The following FBXO38 variants were observed in gnomAD, a reference collection of about 807,000 sequenced individuals.
The protein encoded by FBXO38 is F-box protein 38.
FBXO38 carries 53 observed loss-of-function variants against 131.9 expected under a neutral mutation model. The observed-to-expected ratio is 0.40, with a 90% CI of 0.32 to 0.51. The LOEUF is 0.51. Among genes scored for constraint, FBXO38 ranks in the 20% least tolerant of loss-of-function variants. The pLI is 0.53. For missense variants in FBXO38, 1,076 were observed against 1,475.6 expected (o/e 0.73, Z 4.44); for synonymous variants, 452 against 505.6 (o/e 0.89, Z 1.42).
Position 148,427,391 on chromosome 5 carries a change from T to C in FBXO38, c.2097T>C (p.Asp699=), listed in dbSNP as rs1460720928. ...RDIPEKKKNK[D]VYPSCSSTTA... ...TTCCTGAAAAGAAAAAAAACAAGGA[T>C]GTTTATCCCAGCTGCAGCAGCACCA... The change falls in exon 15 of 22, where the codon GAT becomes GAC. Residue 699 remains aspartate (D), a synonymous_variant. Coordinates refer to ENST00000340253, the MANE Select transcript of FBXO38 (RefSeq NM_205836.3). 1.2e-6 allele frequency: 2 copies of C among 1,613,942 alleles called. No homozygotes were observed. The highest frequency in any genetic ancestry group is 1.7e-6 in the Non-Finnish European group (2 of 1,180,010).
chr5:148,399,160 G>A (rs1191066645), intron 3 of FBXO38, 28 bp downstream of exon 3: 4 of 1,610,096 alleles, frequency 2.5e-6, no homozygotes, highest in Admixed American at 3.4e-5. Flanking sequence ...GTGAAGTACA[G>A]TAGTGTCCTA....
rs147580008 is a variant in FBXO38 at position 148,441,203 on chromosome 5, C to G, written c.3354C>G (p.Ser1118Arg). 1.9e-5 allele frequency: 30 copies of G among 1,613,540 alleles called. No homozygotes were observed. The highest frequency in any genetic ancestry group is 2.5e-5 in the Non-Finnish European group (29 of 1,179,836). The change falls in exon 21 of 22, where the codon AGC becomes AGG. Residue 1118 changes from serine to arginine, a missense_variant. Ser to Arg is a moderately radical substitution (Grantham distance 110). Around this residue, in one of 8 missense-constraint regions of FBXO38, gnomAD observed 282 missense variants for 418.8 expected, o/e 0.67. Coordinates refer to ENST00000340253, the MANE Select transcript of FBXO38 (RefSeq NM_205836.3). ...CATTACGAGCTGCAGAGCCCAACAG[C>G]TTCGCTCGATACGACTTTGAAGACG... is the stretch of plus-strand genomic sequence containing the variant. ...LRSLRAAEPN[S>R]FARYDFEDDE...
chr5:148,387,892 A>G lies in FBXO38; in HGVS notation c.-64+3853A>G, dbSNP rs1014390709. Among the ~76,000 whole-genome samples the G allele has an allele frequency of 7.2e-5, 11 of 151,934 alleles. No homozygotes were observed. The South Asian group carries it at 1.9e-3, about 26-fold the overall frequency. ...TTTTCAGTAGAGATGGGGTTTCACT[A>G]TGTTGGCCAGACTGGTCTCGAGCTC... On this transcript the variant is annotated intron_variant, in intron 1 of 21. Coordinates refer to ENST00000340253, the MANE Select transcript of FBXO38 (RefSeq NM_205836.3).
At chr5:148,428,004 A>G (rs374720043) in intron 15 of FBXO38, 57 bp downstream of exon 15, 3 of 1,416,352 alleles carry the variant, frequency 2.1e-6, no homozygotes, top group Non-Finnish European at 1.9e-6. Flanking sequence ...AAAGGCATGA[A>G]CTTGTTTCAT....
intron 4 of FBXO38, 67 bp downstream of exon 4, chr5:148,402,212 A>C: frequency 4.5e-6 from 7 of 1,563,172 alleles, no homozygotes; most frequent in Non-Finnish European, 6.1e-6. Context: ...AGAATGATAG[A>C]CGTGTTCACT....
chr5:148,388,078 G>T (rs1285064526), intron 1 of FBXO38, among the ~76,000 whole-genome samples: 2 of 152,166 alleles, frequency 1.3e-5, no homozygotes, highest in African/African-American at 4.8e-5. Context: ...TATTGTGTTA[G>T]CAGGCATGGA....
intron 19 of FBXO38, 89 bp downstream of exon 19, chr5:148,439,881 A>C: frequency 7.6e-7 from 1 of 1,314,740 alleles, no homozygotes; most frequent in Non-Finnish European, 1.1e-6. Context: ...TCTTTATTTT[A>C]AATGATTCCA....
intron 7 of FBXO38, among the ~76,000 whole-genome samples, chr5:148,408,607 A>G (rs546376403): frequency 1.5e-4 from 23 of 152,260 alleles, no homozygotes; most frequent in Non-Finnish European, 2.9e-4. Flanking sequence ...AAAAGAAGCC[A>G]GACACAAAAG....
intron 12 of FBXO38, among the ~76,000 whole-genome samples, chr5:148,421,910 CT>C (rs1017896827): frequency 2.0e-5 from 3 of 152,166 alleles, no homozygotes; most frequent in Admixed American, 6.5e-5. Context: ...AGCCATTATG[CT>C]TTTTTTCTTT....
intron 1 of FBXO38, among the ~76,000 whole-genome samples, chr5:148,389,570 T>C (rs1194466952): frequency 6.6e-6 from 1 of 152,210 alleles, no homozygotes; most frequent in Non-Finnish European, 1.5e-5. Flanking sequence ...TCTGCATTAC[T>C]GAGTTTCTCA....
intron 3 of FBXO38, among the ~76,000 whole-genome samples, chr5:148,400,373 A>T (rs1055129519): frequency 1.3e-5 from 2 of 152,134 alleles, no homozygotes; most frequent in African/African-American, 4.8e-5. Context: ...CGGGATTAAC[A>T]CAGTATATAA....
At chr5:148,402,176 C>G in intron 4 of FBXO38, 31 bp downstream of exon 4, 1 of 1,589,642 alleles carries the variant, frequency 6.3e-7, no homozygotes, top group South Asian at 1.1e-5. Context: ...ATTTTGGCAT[C>G]AACTGTTTAT....
intron 18 of FBXO38, 115 bp from the exon 19 acceptor site, chr5:148,439,532 A>C: frequency 9.7e-7 from 1 of 1,029,462 alleles, no homozygotes; most frequent in Non-Finnish European, 1.4e-6. Flanking sequence ...TTGATTTTCA[A>C]ATCAGCCAGA....
chr5:148,394,743 A>G lies in FBXO38; in HGVS notation c.-34A>G, dbSNP rs1244217328. On this transcript the variant is annotated 5_prime_UTR_variant, in exon 2 of 22. Coordinates refer to ENST00000340253, the MANE Select transcript of FBXO38 (RefSeq NM_205836.3). ...TTTGAACTCAAGTAAACAAAAGGGA[A>G]GATTTTCTCGTTGATACTGGAGACT... is the stretch of plus-strand genomic sequence containing the variant. 6.7e-7 allele frequency: 1 copy of G among 1,483,494 alleles called. No homozygotes were observed. Among genetic ancestry groups the G allele is most frequent in the Non-Finnish European group, 9.0e-7 (1 of 1,115,682 alleles). The allele number at this position is 1,483,494 out of a possible 1,614,324, so 91.9% of individuals were successfully genotyped here. A position where few individuals can be genotyped will look rare whatever the true frequency, so the allele number is the denominator to read the frequency against.
intron 1 of FBXO38, among the ~76,000 whole-genome samples, chr5:148,385,620 T>G (rs573873378): frequency 4.2e-4 from 63 of 151,574 alleles, no homozygotes; most frequent in African/African-American, 1.5e-3. Flanking sequence ...TGTTGGGGGG[T>G]TTTTGTTTTG....
At chr5:148,386,766 C>A (rs1295604643) in intron 1 of FBXO38, among the ~76,000 whole-genome samples, 1 of 152,130 alleles carries the variant, frequency 6.6e-6, no homozygotes, top group South Asian at 2.1e-4. Context: ...TGGTTCCAGA[C>A]TACTGCAATA....
chr5:148,417,322 A>G (rs774157675), intron 12 of FBXO38, 118 bp downstream of exon 12: 8 of 755,970 alleles, frequency 1.1e-5, no homozygotes, highest in Non-Finnish European at 1.6e-5. Flanking sequence ...ACATTGAGGA[A>G]AGCTAGTTGA....
chr5:148,388,120 A>G (rs1758013139), intron 1 of FBXO38, among the ~76,000 whole-genome samples: 1 of 152,090 alleles, frequency 6.6e-6, no homozygotes, highest in Non-Finnish European at 1.5e-5. Flanking sequence ...TATCTAATGG[A>G]CCTCTTGAAT....
chr5:148,420,388 A>G (rs1244968755), intron 12 of FBXO38, among the ~76,000 whole-genome samples: 1 of 152,106 alleles, frequency 6.6e-6, no homozygotes, highest in African/African-American at 2.4e-5. Context: ...CAGCCTCCCA[A>G]AATGCTGTGA....
Sources: allele counts gnomAD v4.1 joint callset (sites outside exome capture counted in the v4.1 genomes callset), GRCh38; gene constraint gnomAD v4.1.1; regional missense constraint gnomAD v4.1.1; transcripts MANE v1.5; gene names NCBI Gene and HGNC (gene_info 2026-07-23, HGNC 2026-07-21).